NAA20: variants seen among roughly 807,000 people sequenced by gnomAD.
The protein encoded by NAA20 is N-alpha-acetyltransferase 20, NatB catalytic subunit.
NAA20 carries 24 observed loss-of-function variants against 23.8 expected under a neutral mutation model. The ratio of observed to expected loss-of-function variants is 1.01; its 90% CI spans 0.73 to 1.42. The LOEUF is 1.42. Among genes scored for constraint, NAA20 ranks in the 40% most tolerant of loss-of-function variants. The pLI is 0.00. For synonymous variants in NAA20, 83 were observed against 77.7 expected, an observed-to-expected ratio of 1.07 and a Z score of -0.36; for missense variants, 166 against 223.1, an observed-to-expected ratio of 0.74 and a Z score of 1.63.
At chr20:20,029,443 C>A (rs1156810462) in intron 4 of NAA20, among the ~76,000 whole-genome samples, 1 of 151,828 alleles carries the variant, frequency 6.6e-6, no homozygotes, top group African/African-American at 2.4e-5. Flanking sequence ...ATGGTGAAAT[C>A]CCGTCTCGAC....
Position 20,017,405 on chromosome 20 carries a change from G to T in NAA20, c.9G>T (p.Thr3=). 1.2e-6 allele frequency: 2 copies of T among 1,611,728 alleles called. No individual in the cohort carries two copies. Among genetic ancestry groups the T allele is most frequent in the Non-Finnish European group, 1.7e-6 (2 of 1,179,432 alleles). Residue 3 remains threonine, a synonymous_variant, in exon 1 of 6, where the codon ACG becomes ACT. Coordinates refer to ENST00000334982, the MANE Select transcript of NAA20 (RefSeq NM_016100.5). Reference sequence around the variant, plus strand: ...GAAGCGGCGGCGGCGCGATGACCACGCTACGGGCCTTTACCTGCGACGACC... The same window carrying T: ...GAAGCGGCGGCGGCGCGATGACCACTCTACGGGCCTTTACCTGCGACGACC... The part of the protein sequence containing the change: MT[T]LRAFTCDDLF...
chr20:20,018,990 A>G (rs2043250468), intron 1 of NAA20: 3 of 960,724 alleles, frequency 3.1e-6, no homozygotes, highest in Non-Finnish European at 3.7e-6. Flanking sequence ...TTTGCGATCC[A>G]CTGCTCTGGA....
intron 1 of NAA20, among the ~76,000 whole-genome samples, chr20:20,020,312 G>C (rs994451008): frequency 3.3e-5 from 5 of 152,166 alleles, no homozygotes; most frequent in Non-Finnish European, 4.4e-5. Flanking sequence ...AGTGAGTGGG[G>C]ATTCAGCTTT....
At position 20,017,433 on chromosome 20, in the gene NAA20, T is replaced by C. The variant is rs780607509; in HGVS notation, c.37T>C (p.Phe13Leu). Residue 13 changes from phenylalanine to leucine, a missense_variant, in exon 1 of 6, where the codon TTC becomes CTC. Physicochemically the swap from Phe to Leu is conservative, Grantham distance 22 (BLOSUM62 0). Transcript: ENST00000334982. Reference protein sequence around the residue: ...TLRAFTCDDLFRFNNINLDPL... With the variant: ...TLRAFTCDDLLRFNNINLDPL... ...ACGGGCCTTTACCTGCGACGACCTGTTCCGCTTCAACAACATGTGAGTGAC... is the reference window on the plus strand; with the variant it reads ...ACGGGCCTTTACCTGCGACGACCTGCTCCGCTTCAACAACATGTGAGTGAC... 1.6e-5 allele frequency: 26 copies of C among 1,611,664 alleles called. No individual in the cohort carries two copies. Among genetic ancestry groups the C allele is most frequent in the Non-Finnish European group, 1.9e-5 (22 of 1,179,318 alleles).
chr20:20,017,848 G>C (rs2043242237), intron 1 of NAA20: 2 of 1,532,226 alleles, frequency 1.3e-6, no homozygotes, highest in Non-Finnish European at 1.8e-6. Flanking sequence ...GTTCGTGGCC[G>C]GGCCGCGCCT....
chr20:20,017,873 G>A, intron 1 of NAA20: 2 of 1,577,552 alleles, frequency 1.3e-6, no homozygotes, highest in Non-Finnish European at 1.7e-6. Flanking sequence ...TGGGCAGAGG[G>A]CACCGCCGAC....
chr20:20,021,430 G>A (rs969729073), intron 1 of NAA20, among the ~76,000 whole-genome samples: 8 of 152,158 alleles, frequency 5.3e-5, no homozygotes, highest in Non-Finnish European at 8.8e-5. Context: ...TAAGCAGGAC[G>A]TTGCAGAATT....
intron 3 of NAA20, 21 bp downstream of exon 3, chr20:20,025,788 A>G: frequency 2.1e-6 from 3 of 1,462,758 alleles, no homozygotes; most frequent in Non-Finnish European, 2.9e-6. Context: ...TACCACTAGT[A>G]TTTTGTGGAG....
At chr20:20,024,994 A>G (rs2043297626) in intron 2 of NAA20, among the ~76,000 whole-genome samples, 2 of 152,248 alleles carry the variant, frequency 1.3e-5, no homozygotes, top group African/African-American at 2.4e-5. Flanking sequence ...AGAGAAATGT[A>G]GGAATGATTA....
At chr20:20,026,149 C>T (rs2043304707) in intron 3 of NAA20, among the ~76,000 whole-genome samples, 1 of 152,014 alleles carries the variant, frequency 6.6e-6, no homozygotes, top group South Asian at 2.1e-4. Context: ...ACTAAAAATA[C>T]AAAAAATTAG....
chr20:20,017,816 C>T (rs988927656), intron 1 of NAA20: 51 of 1,471,324 alleles, frequency 3.5e-5, no homozygotes, highest in Non-Finnish European at 4.0e-5. Context: ...CTGGGCTTCT[C>T]GCCCTGCCCT....
intron 4 of NAA20, among the ~76,000 whole-genome samples, chr20:20,028,711 C>T (rs2043322942): frequency 6.6e-6 from 1 of 151,980 alleles, no homozygotes; most frequent in African/African-American, 2.4e-5. Context: ...TGCTTATATA[C>T]ACTATATACA....
chr20:20,026,340 G>A (rs2043306242), intron 3 of NAA20, among the ~76,000 whole-genome samples: 1 of 151,058 alleles, frequency 6.6e-6, no homozygotes, highest in African/African-American at 2.4e-5. Context: ...CTATACTTTT[G>A]TTAAATTTCT....
Position 20,023,266 on chromosome 20 carries a change from G to A in NAA20, c.78+786G>A, listed in dbSNP as rs992131350. On this transcript the variant is annotated intron_variant, in intron 2 of 5. Transcript: ENST00000334982. The stretch of plus-strand genomic sequence containing the variant: ...CGAGGTTGCAGTGAGCCGAGATCGC[G>A]CCACTGCACTCCAGCCTGGGCTACA... Among the ~76,000 whole-genome samples, 5 of 147,700 alleles carry A rather than the reference G, an allele frequency of 3.4e-5. No homozygotes were observed. The East Asian group carries it at 7.9e-4, about 23-fold the overall frequency.
intron 5 of NAA20, 29 bp downstream of exon 5, chr20:20,032,682 A>T: frequency 6.5e-7 from 1 of 1,547,090 alleles, no homozygotes; most frequent in Non-Finnish European, 8.7e-7. Context: ...CAGTATCCCC[A>T]AGAAGTCGAA....
intron 1 of NAA20, among the ~76,000 whole-genome samples, chr20:20,020,965 C>A (rs947708310): frequency 4.0e-5 from 6 of 149,548 alleles, no homozygotes; most frequent in Admixed American, 1.3e-4. Context: ...GTCTCTCGCC[C>A]GCACTCCGTG....
At chr20:20,026,667 TACTTAAAA>T in intron 3 of NAA20, 109 bp from the exon 4 acceptor site, 1 of 1,241,768 alleles carries the variant, frequency 8.1e-7, no homozygotes, top group Non-Finnish European at 1.1e-6. Context: ...CCTCAGGTGG[TACTTAAAA>T]ACTTCTTTAT....
intron 1 of NAA20, among the ~76,000 whole-genome samples, chr20:20,019,698 C>T (rs542891190): frequency 2.0e-5 from 3 of 152,268 alleles, no homozygotes; most frequent in South Asian, 4.2e-4. Context: ...AATCCTCCTG[C>T]CTCAGCCTCC....
chr20:20,022,998 T>C (rs1425019906), intron 2 of NAA20, among the ~76,000 whole-genome samples: 3 of 152,066 alleles, frequency 2.0e-5, no homozygotes, highest in Non-Finnish European at 4.4e-5. Flanking sequence ...GGTGAGGGTG[T>C]TCTTCCCTTT....
Sources: allele counts gnomAD v4.1 joint callset (sites outside exome capture counted in the v4.1 genomes callset), GRCh38; gene constraint gnomAD v4.1.1; transcripts MANE v1.5; gene names NCBI Gene and HGNC (gene_info 2026-07-23, HGNC 2026-07-21).